TTC6: variants seen among roughly 807,000 people sequenced by gnomAD.
TTC6 encodes tetratricopeptide repeat domain 6.
In TTC6, 172 loss-of-function variants were observed where a neutral mutation model predicts 210.4. The ratio of observed to expected loss-of-function variants is 0.82; its 90% CI spans 0.72 to 0.93. The LOEUF is 0.93. Among genes scored for constraint, TTC6 ranks in the 40% least tolerant of loss-of-function variants. The pLI is 0.00. For missense variants in TTC6, 2,414 were observed against 2,318.1 expected, an observed-to-expected ratio of 1.04 and a Z score of -0.85; for synonymous variants, 804 against 819.6, an observed-to-expected ratio of 0.98 and a Z score of 0.32.
At chr14:37,725,352 A>ATATATG (rs2095870743) in intron 7 of TTC6, among the ~76,000 whole-genome samples, 2 of 125,536 alleles carry the variant, frequency 1.6e-5, no homozygotes, top group African/African-American at 6.2e-5. Context: ...ATATATATAT[A>ATATATG]TATATAATTT....
chr14:37,650,350 TTCC>T (rs1415384307), intron 1 of TTC6, among the ~76,000 whole-genome samples: 2 of 152,248 alleles, frequency 1.3e-5, no homozygotes, highest in African/African-American at 2.4e-5. Flanking sequence ...TAATTTTTGT[TTCC>T]TCCTCCTCAT....
intron 1 of TTC6, among the ~76,000 whole-genome samples, chr14:37,670,216 C>A (rs2095755600): frequency 6.6e-6 from 1 of 152,142 alleles, no homozygotes; most frequent in South Asian, 2.1e-4. Context: ...TTGTTGTGGG[C>A]TTATGACAAG....
intron 29 of TTC6, among the ~76,000 whole-genome samples, chr14:37,832,267 G>A (rs1480126612): frequency 7.6e-6 from 1 of 132,146 alleles, no homozygotes; most frequent in African/African-American, 2.8e-5. Context: ...TTTTATTGAT[G>A]TTTTGTATTT....
At chr14:37,739,082 A>G in exon 10 of TTC6, 1 of 1,531,298 alleles carries the variant, frequency 6.5e-7, no homozygotes, top group Non-Finnish European at 8.7e-7. Flanking sequence ...GATGAGATGG[A>G]AGAAAAGATT....
rs142629770 is a variant in TTC6, at chr14:37,633,580, C to T, written c.939+10577C>T. On this transcript the variant is annotated intron_variant, in intron 1 of 30. Transcript: ENST00000553443. ...AGCTGTTCCTATTCAGCCATCTTGCCAGCAGGTATTTCTTTATAGCAACAC... is the reference window on the plus strand; with the variant it reads ...AGCTGTTCCTATTCAGCCATCTTGCTAGCAGGTATTTCTTTATAGCAACAC... Among the ~76,000 whole-genome samples, 545 of 152,318 alleles carry T rather than the reference C, an allele frequency of 3.6e-3. 4 individuals carry two copies. Among genetic ancestry groups the T allele is most frequent in the African/African-American group, 0.013 (524 of 41,574 alleles).
At chr14:37,657,001 GGCGTTCTAGACC>G (rs2095724866) in intron 1 of TTC6, among the ~76,000 whole-genome samples, 1 of 152,040 alleles carries the variant, frequency 6.6e-6, no homozygotes, top group Admixed American at 6.5e-5. Context: ...CCTGAGGTCA[GGCGTTCTAGACC>G]AGCCTGGCCA....
chr14:37,649,255 C>A (rs2095706940), intron 1 of TTC6, among the ~76,000 whole-genome samples: 1 of 152,146 alleles, frequency 6.6e-6, no homozygotes, highest in Non-Finnish European at 1.5e-5. Flanking sequence ...CCTGCCTTGA[C>A]ACTCCGTAGG....
chr14:37,601,516 A>G (rs1271347405), intron 1 of TTC6, among the ~76,000 whole-genome samples: 1 of 152,180 alleles, frequency 6.6e-6, no homozygotes, highest in Non-Finnish European at 1.5e-5. Context: ...CCCAAGTGAG[A>G]GGATCTGAGG....
In TTC6 at chr14:37,802,727, T is replaced by C. The variant is rs1000091498; in HGVS notation, c.4030-1953T>C. Among the ~76,000 whole-genome samples the C allele has an allele frequency of 7.6e-5, 8 of 105,918 alleles. No individual in the cohort carries two copies. In the Admixed American group the frequency reaches 9.5e-4, roughly 13 times the overall value. The allele number at this position is 105,918 out of a possible 152,430, so 69.5% of individuals were successfully genotyped here. A position where few individuals can be genotyped will look rare whatever the true frequency, so the allele number is the denominator to read the frequency against. On this transcript the variant is annotated intron_variant, in intron 20 of 30. Coordinates refer to ENST00000553443, the Ensembl canonical transcript of TTC6. Reference sequence around the variant, plus strand: ...GCACTCTTGCTAGCTTCATTGACTTTCTTTTTTCTCTTTTTTTTTTTTTTG... The same window carrying C: ...GCACTCTTGCTAGCTTCATTGACTTCCTTTTTTCTCTTTTTTTTTTTTTTG...
chr14:37,725,924 A>G (rs1595157308), intron 7 of TTC6, among the ~76,000 whole-genome samples: 1 of 152,222 alleles, frequency 6.6e-6, no homozygotes, highest in Non-Finnish European at 1.5e-5. Flanking sequence ...GATTACTCTC[A>G]TTTTATGTTA....
rs1342765816 is a variant in TTC6 at position 37,665,362 on chromosome 14, T to G, written c.940-14789T>G. 2.0e-5 allele frequency among the ~76,000 whole-genome samples: 3 copies of G among 149,392 alleles called. 1 individual carries two copies. The highest frequency in any genetic ancestry group is 4.5e-5 in the Non-Finnish European group (3 of 66,516). On this transcript the variant is annotated intron_variant, in intron 1 of 30. Transcript: ENST00000553443. ...CTCCTTTGCAGGGACATGGATGGAG[T>G]TGAAAGCCTTTATCCTCAGCAAACT... is the stretch of plus-strand genomic sequence containing the variant.
intron 3 of TTC6, among the ~76,000 whole-genome samples, chr14:37,689,852 A>C (rs1007196102): frequency 6.6e-6 from 1 of 152,070 alleles, no homozygotes; most frequent in Non-Finnish European, 1.5e-5. Flanking sequence ...AAAGCATGAT[A>C]ATGAGGAATA....
chr14:37,631,245 G>A (rs1027156114), intron 1 of TTC6, among the ~76,000 whole-genome samples: 2 of 151,992 alleles, frequency 1.3e-5, no homozygotes, highest in African/African-American at 4.8e-5. Context: ...GCAGTGGCTG[G>A]TACTGGCTTT....
intron 1 of TTC6, among the ~76,000 whole-genome samples, chr14:37,651,415 ATATATATATATTTTTTTTTTTTT>A (rs1308667594): frequency 3.0e-3 from 62 of 20,822 alleles, no homozygotes; most frequent in South Asian, 0.015. Context: ...ATATATATAT[ATATATATATATTTTTTTTTTTTT>A]TTTTTTTTTT....
chr14:37,651,386 GTTATATATATATATATATA>G (rs2095710844), intron 1 of TTC6, among the ~76,000 whole-genome samples: 1 of 32,712 alleles, frequency 3.1e-5, no homozygotes, highest in Non-Finnish European at 5.2e-5. Flanking sequence ...CACTGTTTAT[GTTATATATATATATATATA>G]TATATATATA....
intron 7 of TTC6, among the ~76,000 whole-genome samples, chr14:37,735,577 C>G (rs894170817): frequency 6.6e-6 from 1 of 152,098 alleles, no homozygotes; most frequent in Non-Finnish European, 1.5e-5. Context: ...CTAGATATGT[C>G]TTGTTCATAA....
rs2096174713 is a variant in TTC6, at chr14:37,827,425, A to G, written c.5298+59A>G. On this transcript the variant is annotated intron_variant, in intron 29 of 30. Coordinates refer to ENST00000553443, the Ensembl canonical transcript of TTC6. ...ACCTGGAATGCTTTCTTTATTATAT[A>G]TAGCTTCAAAGTATAATTCATACAA... The G allele has an allele frequency of 1.5e-5, 22 of 1,511,026 alleles. No individual in the cohort carries two copies. The South Asian group carries it at 1.7e-4, about 12-fold the overall frequency. 93.6% of individuals were successfully genotyped at this position (1,511,026 alleles called of 1,614,324 possible). A position where few individuals can be genotyped will look rare whatever the true frequency, so the allele number is the denominator to read the frequency against.
At chr14:37,657,161 G>A (rs1446460589) in intron 1 of TTC6, among the ~76,000 whole-genome samples, 5 of 139,246 alleles carry the variant, frequency 3.6e-5, no homozygotes, top group African/African-American at 7.9e-5. Flanking sequence ...GCAGTGAGTC[G>A]CGATTGCGCA....
At chr14:37,721,847 C>CATATATATATATATATATATATATGT (rs2095862289) in intron 6 of TTC6, among the ~76,000 whole-genome samples, 1 of 117,266 alleles carries the variant, frequency 8.5e-6, no homozygotes, top group South Asian at 3.1e-4. Context: ...TGAGTTTCAC[C>CATATATATATATATATATATATATGT]ATATATATAT....
Sources: allele counts gnomAD v4.1 joint callset (sites outside exome capture counted in the v4.1 genomes callset), GRCh38; gene constraint gnomAD v4.1.1; transcripts MANE v1.5; gene names NCBI Gene and HGNC (gene_info 2026-07-23, HGNC 2026-07-21).